SLC4A5: variants seen among roughly 807,000 people sequenced by gnomAD.
SLC4A5 encodes solute carrier family 4 member 5, also known as electrogenic sodium bicarbonate cotransporter 4.
SLC4A5 carries 96 observed loss-of-function variants against 120.4 expected under a neutral mutation model. The ratio of observed to expected loss-of-function variants is 0.80; its 90% CI spans 0.68 to 0.94. The LOEUF (loss-of-function observed/expected upper bound fraction) is 0.94, where lower values mean the gene tolerates loss of function less well. Among genes scored for constraint, SLC4A5 ranks in the 40% least tolerant of loss-of-function variants. SLC4A5 has a pLI of 0.00. For synonymous variants in SLC4A5, 550 were observed against 571.1 expected (o/e 0.96, Z 0.53); for missense variants, 1,259 against 1,459.5 (o/e 0.86, Z 2.24).
intron 5 of SLC4A5, among the ~76,000 whole-genome samples, chr2:74,322,551 G>C (rs764706633): frequency 2.0e-5 from 3 of 152,130 alleles, no homozygotes; most frequent in Non-Finnish European, 2.9e-5. Flanking sequence ...ATTTTGGATA[G>C]ATGATAGATA....
At chr2:74,219,518 T>C (rs756693492) in intron 30 of SLC4A5, among the ~76,000 whole-genome samples, 4 of 152,214 alleles carry the variant, frequency 2.6e-5, no homozygotes, top group Non-Finnish European at 5.9e-5. Context: ...AATCTTGCTA[T>C]TTAGTGATCT....
intron 6 of SLC4A5, chr2:74,306,926 C>A: frequency 1.6e-6 from 1 of 615,252 alleles, no homozygotes. Context: ...TCAGCAGGGC[C>A]TTGTACTCCT....
At chr2:74,222,998 T>G (rs6745054) in intron 28 of SLC4A5, 46 bp from the exon 29 acceptor site, 3 of 1,357,838 alleles carry the variant, frequency 2.2e-6, no homozygotes, top group Non-Finnish European at 2.0e-6. Context: ...AACACAACAA[T>G]TTGGCTTTCT....
At chr2:74,240,058 T>TATATATAA (rs1670391816) in intron 20 of SLC4A5, among the ~76,000 whole-genome samples, 1 of 149,176 alleles carries the variant, frequency 6.7e-6, no homozygotes, top group African/African-American at 2.4e-5. Flanking sequence ...TATATATATA[T>TATATATAA]AAATGTGTAC....
At chr2:74,231,089 G>A (rs970578855) in intron 25 of SLC4A5, 147 bp downstream of exon 25, 55 of 647,828 alleles carry the variant, frequency 8.5e-5, no homozygotes, top group Admixed American at 8.6e-5. Context: ...TTATAGGTGT[G>A]AGCCACCATG....
At position 74,276,235 on chromosome 2, in the gene SLC4A5, A is replaced by G. The variant is rs554129532; in HGVS notation, c.401+9538T>C. On this transcript the variant is annotated intron_variant, in intron 8 of 30. Coordinates refer to ENST00000394019, the Ensembl canonical transcript of SLC4A5. ...ATCATCTGTGCACAAAAAGCCTAAAATATTTTCTGTCTGGCCATTAACTGA... is the reference window on the plus strand; with the variant it reads ...ATCATCTGTGCACAAAAAGCCTAAAGTATTTTCTGTCTGGCCATTAACTGA... Among the ~76,000 whole-genome samples, 13 of 152,230 alleles carry G rather than the reference A, an allele frequency of 8.5e-5. No homozygotes were observed. In the South Asian group the frequency reaches 2.3e-3, roughly 27 times the overall value.
intron 6 of SLC4A5, among the ~76,000 whole-genome samples, chr2:74,314,399 C>T (rs1382091959): frequency 6.6e-6 from 1 of 152,090 alleles, no homozygotes; most frequent in Non-Finnish European, 1.5e-5. Flanking sequence ...CTGCAGCTCA[C>T]CGAGCCTCTA....
intron 5 of SLC4A5, among the ~76,000 whole-genome samples, chr2:74,324,323 C>G (rs1673168376): frequency 6.6e-6 from 1 of 152,172 alleles, no homozygotes; most frequent in Admixed American, 6.5e-5. Context: ...TTCAATGGCG[C>G]AATCACAGCT....
intron 29 of SLC4A5, among the ~76,000 whole-genome samples, chr2:74,222,187 T>C (rs1462658300): frequency 6.6e-6 from 1 of 152,132 alleles, no homozygotes; most frequent in Non-Finnish European, 1.5e-5. Context: ...CCTCAACCAT[T>C]TCAACAGCCA....
intron 22 of SLC4A5, among the ~76,000 whole-genome samples, chr2:74,234,297 G>A (rs1670197547): frequency 6.6e-6 from 1 of 151,828 alleles, no homozygotes; most frequent in Non-Finnish European, 1.5e-5. Flanking sequence ...TCCTGCCTCA[G>A]CCTCCCGAGT....
At chr2:74,297,859 T>C (rs1476964435) in intron 7 of SLC4A5, among the ~76,000 whole-genome samples, 2 of 152,216 alleles carry the variant, frequency 1.3e-5, no homozygotes, top group African/African-American at 4.8e-5. Flanking sequence ...TGCTATGGCC[T>C]ATTATTTCCT....
chr2:74,259,641 G>C, exon 12 of SLC4A5: 1 of 1,614,182 alleles, frequency 6.2e-7, no homozygotes, highest in Non-Finnish European at 8.5e-7. Flanking sequence ...CTCTGGGCAT[G>C]ACCTAGGAGA....
At position 74,261,814 on chromosome 2, in the gene SLC4A5, C is replaced by CA. The variant is rs533413491; in HGVS notation, c.811+322dup. On this transcript the variant is annotated intron_variant, in intron 11 of 30. Coordinates refer to ENST00000394019, the Ensembl canonical transcript of SLC4A5. Reference sequence around the variant, plus strand: ...TTCCATTTCCAGGAAAGCTTTTCACCAAAAAACAGGGTTAATGTCAGTTTG... The same window carrying CA: ...TTCCATTTCCAGGAAAGCTTTTCACCAAAAAAACAGGGTTAATGTCAGTTTG... Among the ~76,000 whole-genome samples the CA allele has an allele frequency of 1.4e-3, 208 of 152,062 alleles. 1 individual carries two copies. Among genetic ancestry groups the CA allele is most frequent in the African/African-American group, 4.9e-3 (205 of 41,492 alleles).
chr2:74,311,235 T>C lies in SLC4A5; in HGVS notation c.79+3710A>G, dbSNP rs562076349. ...GCTAAAGATTCATCAATTTTATTAA[T>C]CTTTTTAAGAGATAGCTTCAGTTTC... is the stretch of plus-strand genomic sequence containing the variant. On this transcript the variant is annotated intron_variant, in intron 6 of 30. Transcript: ENST00000394019. Among the ~76,000 whole-genome samples the C allele has an allele frequency of 2.9e-4, 44 of 152,268 alleles. 2 individuals are homozygous for C. In the South Asian group the frequency reaches 9.1e-3, roughly 32 times the overall value.
chr2:74,272,623 G>A (rs1671511669), intron 8 of SLC4A5, among the ~76,000 whole-genome samples: 1 of 152,170 alleles, frequency 6.6e-6, no homozygotes, highest in South Asian at 2.1e-4. Context: ...TGCATGCCAG[G>A]GTGGGCACCA....
At chr2:74,251,972 C>G (rs944740413) in intron 16 of SLC4A5, among the ~76,000 whole-genome samples, 2 of 152,224 alleles carry the variant, frequency 1.3e-5, no homozygotes, top group African/African-American at 4.8e-5. Context: ...TTGGGTTCCT[C>G]TCCTCTTGTA....
At chr2:74,284,162 CTTTTTTT>C (rs1182761794) in intron 8 of SLC4A5, among the ~76,000 whole-genome samples, 26 of 81,106 alleles carry the variant, frequency 3.2e-4, no homozygotes, top group Middle Eastern at 9.3e-3. Flanking sequence ...TTCCTTATTT[CTTTTTTT>C]TTTTTTTTTT....
At chr2:74,319,035 T>C (rs904563509) in intron 5 of SLC4A5, among the ~76,000 whole-genome samples, 4 of 152,042 alleles carry the variant, frequency 2.6e-5, no homozygotes, top group Non-Finnish European at 5.9e-5. Context: ...TAATCAGTCA[T>C]AGAAAATGAA....
At chr2:74,257,618 C>T (rs1034622501) in intron 12 of SLC4A5, among the ~76,000 whole-genome samples, 7 of 152,068 alleles carry the variant, frequency 4.6e-5, no homozygotes, top group Non-Finnish European at 7.4e-5. Context: ...CTCACTCTGT[C>T]GTAAAGGCTG....
Sources: allele counts gnomAD v4.1 joint callset (sites outside exome capture counted in the v4.1 genomes callset), GRCh38; gene constraint gnomAD v4.1.1; transcripts MANE v1.5; gene names NCBI Gene and HGNC (gene_info 2026-07-23, HGNC 2026-07-21).